The following ZDHHC4 variants were observed in gnomAD, a reference collection of about 807,000 sequenced individuals.
ZDHHC4 encodes zDHHC palmitoyltransferase 4, also known as palmitoyltransferase ZDHHC4.
In ZDHHC4, 42 loss-of-function variants were observed where a neutral mutation model predicts 36.7. The ratio of observed to expected loss-of-function variants is 1.14; its 90% CI spans 0.89 to 1.48. ZDHHC4 has a LOEUF of 1.48. Among genes scored for constraint, ZDHHC4 ranks in the 40% most tolerant of loss-of-function variants. ZDHHC4 has a pLI of 0.00. For missense variants in ZDHHC4, 457 were observed against 421.5 expected (o/e 1.08, Z -0.74); for synonymous variants, 189 against 166.6 (o/e 1.13, Z -1.03).
At chr7:6,579,194 C>A (rs575296263) in intron 2 of ZDHHC4, among the ~76,000 whole-genome samples, 3 of 150,830 alleles carry the variant, frequency 2.0e-5, no homozygotes, top group Non-Finnish European at 4.4e-5. Flanking sequence ...TTCCAGTATC[C>A]AGTGTCTTTT....
At position 6,589,166 on chromosome 7, in the gene ZDHHC4, C is replaced by G; in HGVS notation, c.*256C>G. 2.1e-6 allele frequency: 1 copy of G among 477,196 alleles called. No homozygotes were observed. Among genetic ancestry groups the G allele is most frequent in the South Asian group, 2.3e-5 (1 of 43,928 alleles). 29.6% of individuals were successfully genotyped at this position (477,196 alleles called of 1,614,324 possible). Reference sequence around the variant, plus strand: ...TCAGAGGTTCTAGGTGATGCTGAGACCTTGGTGTCTCTAAACTCTGGGCAT... The same window carrying G: ...TCAGAGGTTCTAGGTGATGCTGAGAGCTTGGTGTCTCTAAACTCTGGGCAT... On this transcript the variant is annotated 3_prime_UTR_variant, in exon 8 of 8. Coordinates refer to ENST00000335965, the MANE Select transcript of ZDHHC4 (RefSeq NM_001134389.2).
rs969359384 is a variant in ZDHHC4, at chr7:6,589,306, T to G, written c.*396T>G. 5 of 204,854 alleles carry G rather than the reference T, an allele frequency of 2.4e-5. No homozygotes were observed. Among genetic ancestry groups the G allele is most frequent in the Admixed American group, 1.6e-4 (3 of 19,214 alleles). 12.7% of individuals were successfully genotyped at this position (204,854 alleles called of 1,614,324 possible). A position where few individuals can be genotyped will look rare whatever the true frequency, so the allele number is the denominator to read the frequency against. On this transcript the variant is annotated 3_prime_UTR_variant, in exon 8 of 8. Transcript: ENST00000335965. ...TGTGCTCTCTTTTATGCCCCCTCTATTCTCCTCTCTCCCCCAGGGGATTTT... is the reference window on the plus strand; with the variant it reads ...TGTGCTCTCTTTTATGCCCCCTCTAGTCTCCTCTCTCCCCCAGGGGATTTT...
Position 6,582,087 on chromosome 7 carries a change from T to C in ZDHHC4, c.206T>C (p.Ile69Thr), listed in dbSNP as rs1159620894. 6.2e-7 allele frequency: 1 copy of C among 1,612,730 alleles called. No individual in the cohort carries two copies. Among genetic ancestry groups the C allele is most frequent in the Non-Finnish European group, 8.5e-7 (1 of 1,179,226 alleles). ...YLFHTRNHTF[I>T]VLHLVLQGMV... ...TTTTCTTTCAGAAACCACACCTTCA[T>C]TGTCCTGCACCTGGTCTTGCAAGGG... Residue 69 changes from isoleucine to threonine, a missense_variant, in exon 5 of 8, where the codon ATT (isoleucine) becomes ACT (threonine). Ile to Thr is a moderately conservative substitution (Grantham distance 89, BLOSUM62 -1). Transcript: ENST00000335965.
At chr7:6,588,594 C>G (rs1307631753) in intron 7 of ZDHHC4, 23 bp from the exon 8 acceptor site, 1 of 1,610,632 alleles carries the variant, frequency 6.2e-7, no homozygotes. Context: ...CTGCCTAAAG[C>G]ACTACCTTTT....
In ZDHHC4 at chr7:6,588,687, G is replaced by T; in HGVS notation, c.812G>T (p.Gly271Val). Reference sequence around the variant, plus strand: ...GTCGTGGTTCTGAGCTTCCTCCTGGGTGGCTACCTGTTGTTTGTCCTGTAT... The same window carrying T: ...GTCGTGGTTCTGAGCTTCCTCCTGGTTGGCTACCTGTTGTTTGTCCTGTAT... Reference protein sequence around the residue: ...GFVVVLSFLLGGYLLFVLYLA... With the variant: ...GFVVVLSFLLVGYLLFVLYLA... The change falls in exon 8 of 8, where the codon GGT becomes GTT. Residue 271 changes from glycine to valine, a missense_variant. Gly to Val is a moderately radical substitution (Grantham distance 109). Transcript: ENST00000335965. 6.2e-7 allele frequency: 1 copy of T among 1,614,192 alleles called. No individual in the cohort carries two copies. The highest frequency in any genetic ancestry group is 2.2e-5 in the East Asian group (1 of 44,888).
chr7:6,585,562 T>A (rs1229353787), intron 7 of ZDHHC4, among the ~76,000 whole-genome samples: 1 of 152,094 alleles, frequency 6.6e-6, no homozygotes, highest in Non-Finnish European at 1.5e-5. Context: ...CCTAGCACTT[T>A]GAGAAGCTAA....
At chr7:6,586,078 G>A (rs1431796409) in intron 7 of ZDHHC4, among the ~76,000 whole-genome samples, 1 of 151,946 alleles carries the variant, frequency 6.6e-6, no homozygotes, top group Non-Finnish European at 1.5e-5. Context: ...ACTTGAACCT[G>A]GGAGGCGGAG....
chr7:6,586,786 C>CT (rs1209914896), intron 7 of ZDHHC4, among the ~76,000 whole-genome samples: 1 of 151,680 alleles, frequency 6.6e-6, no homozygotes, highest in Non-Finnish European at 1.5e-5. Context: ...TTACTTCATT[C>CT]TTTTTTATGG....
intron 6 of ZDHHC4, 30 bp from the exon 7 acceptor site, chr7:6,584,986 C>T (rs756362613): frequency 3.7e-6 from 6 of 1,611,832 alleles, no homozygotes; most frequent in Non-Finnish European, 5.1e-6. Context: ...CAAGCACCAT[C>T]CCAGCACGTG....
intron 3 of ZDHHC4, among the ~76,000 whole-genome samples, chr7:6,581,350 C>T (rs889646444): frequency 1.3e-5 from 2 of 152,240 alleles, no homozygotes; most frequent in Admixed American, 6.5e-5. Flanking sequence ...GACCCATCCC[C>T]TCTGCTCACC....
At chr7:6,580,220 C>A (rs371537993) in intron 2 of ZDHHC4, among the ~76,000 whole-genome samples, 1 of 151,852 alleles carries the variant, frequency 6.6e-6, no homozygotes, top group Admixed American at 6.6e-5. Flanking sequence ...AGGCTGGTCT[C>A]GAACTCCTGA....
intron 3 of ZDHHC4, among the ~76,000 whole-genome samples, 185 bp from the exon 4 acceptor site, chr7:6,581,422 C>T (rs570271797): frequency 2.0e-5 from 3 of 152,136 alleles, no homozygotes; most frequent in African/African-American, 2.4e-5. Flanking sequence ...ATGGAGTTGG[C>T]GTGAAAGGAA....
chr7:6,582,724 T>C (rs1440540260), intron 5 of ZDHHC4, among the ~76,000 whole-genome samples: 1 of 152,034 alleles, frequency 6.6e-6, no homozygotes, highest in African/African-American at 2.4e-5. Context: ...CGCCATGTTG[T>C]CCAGGCTGGT....
rs1372588538 is a variant in ZDHHC4, at chr7:6,582,239, G to A, written c.358G>A (p.Gly120Arg). 6.2e-7 allele frequency: 1 copy of A among 1,613,818 alleles called. No homozygotes were observed. The highest frequency in any genetic ancestry group is 1.3e-5 in the African/African-American group (1 of 74,872). The change falls in exon 5 of 8, where the codon GGA becomes AGA. Residue 120 changes from glycine (G) to arginine (R), a missense_variant. By Grantham distance (125) the Gly-to-Arg change is moderately radical. Transcript: ENST00000335965. The part of the protein sequence containing the change: ...VNLFFFTLTC[G>R]TNPGIITKAN... Reference sequence around the variant, plus strand: ...CCTGTTTTTTTTCACCCTGACTTGTGGAACCAATCCTGGTAAGTTGAGGCT... The same window carrying A: ...CCTGTTTTTTTTCACCCTGACTTGTAGAACCAATCCTGGTAAGTTGAGGCT...
chr7:6,583,411 C>G lies in ZDHHC4; in HGVS notation c.476C>G (p.Pro159Arg). The change falls in exon 6 of 8, where the codon CCA becomes CGA. Residue 159 changes from proline (P) to arginine (R), a missense_variant. Physicochemically the swap from Pro to Arg is moderately radical, Grantham distance 103. Transcript: ENST00000335965. ...VRCSTCDLRK[P>R]ARSKHCSVCN... ...TGCTCTACTTGTGATTTAAGGAAAC[C>G]AGCTCGATCCAAGCACTGCAGTGAG... 1 of 1,613,016 alleles carries G rather than the reference C, an allele frequency of 6.2e-7. No homozygotes were observed. The highest frequency in any genetic ancestry group is 1.1e-5 in the South Asian group (1 of 90,958).
intron 2 of ZDHHC4, among the ~76,000 whole-genome samples, chr7:6,579,551 G>T (rs185955704): frequency 4.5e-4 from 69 of 152,264 alleles, no homozygotes; most frequent in Non-Finnish European, 9.0e-4. Flanking sequence ...GGTTCCAGAG[G>T]GTAATTCCTG....
chr7:6,584,830 A>G (rs1283819563), intron 6 of ZDHHC4, 186 bp from the exon 7 acceptor site: 2 of 747,860 alleles, frequency 2.7e-6, no homozygotes, highest in Non-Finnish European at 4.2e-6. Flanking sequence ...AGTGCTCAAT[A>G]CCCACATTTG....
intron 6 of ZDHHC4, 173 bp from the exon 7 acceptor site, chr7:6,584,843 T>A: frequency 5.7e-6 from 5 of 872,544 alleles, no homozygotes; most frequent in Non-Finnish European, 8.5e-6. Flanking sequence ...CACATTTGGC[T>A]GGTTGCTCCT....
At position 6,588,716 on chromosome 7, in the gene ZDHHC4, G is replaced by A; in HGVS notation, c.841G>A (p.Ala281Thr). The A allele has an allele frequency of 6.2e-7, 1 of 1,614,198 alleles. No homozygotes were observed. Reference protein sequence around the residue: ...GGYLLFVLYLAATNQTTNEWY... With the variant: ...GGYLLFVLYLTATNQTTNEWY... Reference sequence around the variant, plus strand: ...CTACCTGTTGTTTGTCCTGTATCTGGCGGCCACCAACCAGACTACTAACGA... The same window carrying A: ...CTACCTGTTGTTTGTCCTGTATCTGACGGCCACCAACCAGACTACTAACGA... Residue 281 changes from alanine (A) to threonine (T), a missense_variant, in exon 8 of 8, where the codon GCG becomes ACG. Physicochemically the swap from Ala to Thr is moderately conservative, Grantham distance 58. Coordinates refer to ENST00000335965, the MANE Select transcript of ZDHHC4 (RefSeq NM_001134389.2).
Sources: allele counts gnomAD v4.1 joint callset (sites outside exome capture counted in the v4.1 genomes callset), GRCh38; gene constraint gnomAD v4.1.1; transcripts MANE v1.5; gene names NCBI Gene and HGNC (gene_info 2026-07-23, HGNC 2026-07-21).